RHOBTB3: variants seen among roughly 807,000 people sequenced by gnomAD.
The protein encoded by RHOBTB3 is Rho related BTB domain containing 3.
In RHOBTB3, 47 loss-of-function variants were observed where a neutral mutation model predicts 67.2. That is an observed-to-expected ratio of 0.70 (90% confidence interval 0.55 to 0.89). The LOEUF (loss-of-function observed/expected upper bound fraction) is 0.89, where lower values mean the gene tolerates loss of function less well. Ranked by LOEUF, RHOBTB3 falls within the 40% of genes least tolerant of loss-of-function variation. The pLI is 0.00. For missense variants in RHOBTB3, 631 were observed against 750.0 expected (o/e 0.84, Z 1.85); for synonymous variants, 273 against 274.2 (o/e 1.00, Z 0.04).
chr5:95,740,174 A>G (rs910098651), intron 3 of RHOBTB3, among the ~76,000 whole-genome samples: 5 of 152,146 alleles, frequency 3.3e-5, no homozygotes, highest in East Asian at 1.9e-4. Flanking sequence ...TCCACCTTCC[A>G]TCATGATCAT....
chr5:95,762,734 G>A lies in RHOBTB3; in HGVS notation c.1049-774G>A, dbSNP rs371117416. Among the ~76,000 whole-genome samples the A allele has an allele frequency of 6.6e-4, 100 of 152,332 alleles. 3 individuals are homozygous for A. The South Asian group carries it at 0.02, about 31-fold the overall frequency. On this transcript the variant is annotated intron_variant, in intron 6 of 11. Coordinates refer to ENST00000379982, the MANE Select transcript of RHOBTB3 (RefSeq NM_014899.4). ...CAGCTTTGAGTAATAGGATGGATTT[G>A]ATGGGGAAAAGGCTGTTAGGAAGCA...
chr5:95,762,669 T>C (rs548769780), intron 6 of RHOBTB3, among the ~76,000 whole-genome samples: 1 of 152,280 alleles, frequency 6.6e-6, no homozygotes, highest in Non-Finnish European at 1.5e-5. Context: ...GTGTAATCTC[T>C]TGGAATGTCA....
At chr5:95,739,889 T>G (rs1361842753) in intron 3 of RHOBTB3, among the ~76,000 whole-genome samples, 1 of 152,168 alleles carries the variant, frequency 6.6e-6, no homozygotes, top group Non-Finnish European at 1.5e-5. Flanking sequence ...TTTTCTTATG[T>G]TTTTTGGGTG....
intron 11 of RHOBTB3, among the ~76,000 whole-genome samples, chr5:95,791,313 C>G (rs919223023): frequency 3.3e-5 from 5 of 152,150 alleles, no homozygotes; most frequent in Non-Finnish European, 4.4e-5. Context: ...ATACTGGACT[C>G]ATGAACACAA....
chr5:95,736,056 C>T (rs930882924), intron 2 of RHOBTB3, among the ~76,000 whole-genome samples: 11 of 151,932 alleles, frequency 7.2e-5, no homozygotes, highest in East Asian at 1.9e-4. Flanking sequence ...GAGCCGAGAT[C>T]GCACCACTGG....
At position 95,793,123 on chromosome 5, in the gene RHOBTB3, G is replaced by A. The variant is rs911631097; in HGVS notation, c.1785G>A (p.Ala595=). 2.0e-5 allele frequency: 33 copies of A among 1,613,174 alleles called. No individual in the cohort carries two copies. The highest frequency in any genetic ancestry group is 2.6e-5 in the Non-Finnish European group (31 of 1,179,672). Residue 595 remains alanine, a synonymous_variant, in exon 12 of 12, where the codon GCG becomes GCA. Coordinates refer to ENST00000379982, the MANE Select transcript of RHOBTB3 (RefSeq NM_014899.4). ...CGAATATGTACTTGAAGCAGCTTGC[G>A]GAATACAGGAAGTATATTCACTCCC... ...WPSNMYLKQL[A]EYRKYIHSRK... is the part of the protein sequence containing the mutation.
intron 4 of RHOBTB3, among the ~76,000 whole-genome samples, chr5:95,749,098 T>G (rs1333329142): frequency 6.6e-6 from 1 of 152,226 alleles, no homozygotes; most frequent in African/African-American, 2.4e-5. Flanking sequence ...GTATTAGGAC[T>G]GTAATGTCCT....
At chr5:95,743,855 T>C (rs371527368) in intron 3 of RHOBTB3, among the ~76,000 whole-genome samples, 1 of 151,840 alleles carries the variant, frequency 6.6e-6, no homozygotes, top group Non-Finnish European at 1.5e-5. Flanking sequence ...ATTATAGGTA[T>C]GAACCACCAT....
chr5:95,767,754 A>C (rs191268833), intron 7 of RHOBTB3: 9 of 690,308 alleles, frequency 1.3e-5, no homozygotes, highest in African/African-American at 1.2e-4. Context: ...GTTTCTCAAC[A>C]AAGACTCATA....
chr5:95,773,058 T>C (rs990600059), intron 8 of RHOBTB3, among the ~76,000 whole-genome samples: 1 of 152,226 alleles, frequency 6.6e-6, no homozygotes, highest in African/African-American at 2.4e-5. Flanking sequence ...GGCATTGGTA[T>C]CAAACATTAT....
chr5:95,744,728 C>T (rs1449597675), intron 3 of RHOBTB3, among the ~76,000 whole-genome samples: 1 of 152,138 alleles, frequency 6.6e-6, no homozygotes, highest in African/African-American at 2.4e-5. Context: ...CCTGGTAATT[C>T]CCTTGGAACT....
In RHOBTB3 at chr5:95,754,217, A is replaced by G. The variant is rs118087665; in HGVS notation, c.683-1179A>G. 3.1e-4 allele frequency among the ~76,000 whole-genome samples: 47 copies of G among 152,360 alleles called. No homozygotes were observed. The East Asian group carries it at 8.9e-3, about 29-fold the overall frequency. On this transcript the variant is annotated intron_variant, in intron 5 of 11. Transcript: ENST00000379982. ...AGGAAATGCAGCCTCAGCGTTCACA[A>G]GGCTGTTTCTTGTACTCTTCTGTTA... is the stretch of plus-strand genomic sequence containing the variant.
chr5:95,725,269 ATGAT>A (rs1213620044), intron 1 of RHOBTB3, among the ~76,000 whole-genome samples: 3 of 152,266 alleles, frequency 2.0e-5, no homozygotes, highest in Non-Finnish European at 4.4e-5. Flanking sequence ...AATCTTACAA[ATGAT>A]GATGAATAAA....
Position 95,780,548 on chromosome 5 carries a change from A to ACTAAG in RHOBTB3, c.1456+125_1456+129dup, listed in dbSNP as rs532352431. ...TTTATTAGTTGACATCACGGAATGT[A>ACTAAG]CTAAGCAATTAGAGGTGGTGCTGGA... is the stretch of plus-strand genomic sequence containing the variant. On this transcript the variant is annotated intron_variant, in intron 9 of 11. Coordinates refer to ENST00000379982, the MANE Select transcript of RHOBTB3 (RefSeq NM_014899.4). 6.4e-4 allele frequency: 515 copies of ACTAAG among 810,476 alleles called. 1 individual carries two copies. Among genetic ancestry groups the ACTAAG allele is most frequent in the Non-Finnish European group, 8.5e-4 (432 of 507,962 alleles). 50.2% of individuals were successfully genotyped at this position (810,476 alleles called of 1,614,324 possible).
chr5:95,760,960 A>G (rs1745377017), intron 6 of RHOBTB3, among the ~76,000 whole-genome samples: 1 of 152,182 alleles, frequency 6.6e-6, no homozygotes, highest in Non-Finnish European at 1.5e-5. Context: ...AAACAGCCCA[A>G]TCAGCAGTGT....
At chr5:95,774,069 A>G (rs1311676200) in intron 8 of RHOBTB3, among the ~76,000 whole-genome samples, 2 of 152,254 alleles carry the variant, frequency 1.3e-5, no homozygotes, top group Admixed American at 1.3e-4. Flanking sequence ...AAGTGTGCAC[A>G]GAATGATCAC....
chr5:95,734,678 C>CA, intron 2 of RHOBTB3, among the ~76,000 whole-genome samples: 1 of 152,120 alleles, frequency 6.6e-6, no homozygotes, highest in East Asian at 1.9e-4. Context: ...ATTATTATTT[C>CA]ATTTCACGTT....
At position 95,731,614 on chromosome 5, in the gene RHOBTB3, C is replaced by A; in HGVS notation, c.-69C>A. On this transcript the variant is annotated 5_prime_UTR_variant, in exon 1 of 12. Transcript: ENST00000379982. ...GCGGATTGCGGGTGAACTCGCCGCC[C>A]GGGGGCCCCGCGAAGCCGTGAGCCG... 6.2e-7 allele frequency: 1 copy of A among 1,602,916 alleles called. No homozygotes were observed. The highest frequency in any genetic ancestry group is 8.5e-7 in the Non-Finnish European group (1 of 1,175,348).
intron 2 of RHOBTB3, among the ~76,000 whole-genome samples, chr5:95,733,592 C>T (rs963077072): frequency 2.6e-5 from 4 of 152,086 alleles, no homozygotes; most frequent in Admixed American, 6.5e-5. Flanking sequence ...CTCTATAGTA[C>T]GGATTTTTGC....
Sources: gnomAD v4.1 joint callset for allele counts (sites outside exome capture counted in the v4.1 genomes callset) on GRCh38, gnomAD v4.1.1 for gene constraint, MANE v1.5 for transcripts, NCBI Gene and HGNC (gene_info 2026-07-23, HGNC 2026-07-21) for gene names.